The following ANKS1A variants were observed in gnomAD, a reference collection of about 807,000 sequenced individuals.
ANKS1A encodes the protein ankyrin repeat and sterile alpha motif domain containing 1A.
ANKS1A carries 55 observed loss-of-function variants against 120.3 expected under a neutral mutation model. The ratio of observed to expected loss-of-function variants is 0.46; its 90% confidence interval spans 0.37 to 0.57. ANKS1A has a LOEUF of 0.57. Ranked by LOEUF, ANKS1A falls within the 20% of genes least tolerant of loss-of-function variation. The pLI is 0.00. For synonymous variants in ANKS1A, 590 were observed against 604.7 expected, an observed-to-expected ratio of 0.98 and a Z score of 0.36; for missense variants, 1,123 against 1,480.3, an observed-to-expected ratio of 0.76 and a Z score of 3.96.
chr6:34,970,372 T>C (rs1339324770), intron 3 of ANKS1A, among the ~76,000 whole-genome samples: 5 of 152,212 alleles, frequency 3.3e-5, no homozygotes, highest in African/African-American at 1.2e-4. Flanking sequence ...TCTTAGTAGA[T>C]CTTATACTAT....
At chr6:34,906,320 A>G (rs16895354) in intron 1 of ANKS1A, among the ~76,000 whole-genome samples, 11,094 of 152,236 alleles carry the variant, frequency 0.073, 613 homozygotes, top group East Asian at 0.23. Flanking sequence ...GCCTGGTGCG[A>G]AAGGTCAAGA....
Position 35,079,634 on chromosome 6 carries a change from C to T in ANKS1A, c.2402C>T (p.Thr801Ile), listed in dbSNP as rs1451384068. Reference sequence around the variant, plus strand: ...TCAAGTGGTTACAGCTCCATTGACACCGTGAAGAACCTCTGGGAGCTAGAG... The same window carrying T: ...TCAAGTGGTTACAGCTCCATTGACATCGTGAAGAACCTCTGGGAGCTAGAG... Reference protein sequence around the residue: ...FLSSGYSSIDTVKNLWELELV... With the variant: ...FLSSGYSSIDIVKNLWELELV... The change falls in exon 15 of 24, where the codon ACC (threonine) becomes ATC (isoleucine). Residue 801 changes from threonine to isoleucine, a missense_variant. Physicochemically the swap from Thr to Ile is moderately conservative, Grantham distance 89. Around this residue, in one of 3 missense-constraint regions of ANKS1A, gnomAD observed 904 missense variants for 1,130.4 expected, o/e 0.80. Transcript: ENST00000360359. 19 of 1,614,202 alleles carry T rather than the reference C, an allele frequency of 1.2e-5. No homozygotes were observed. The highest frequency in any genetic ancestry group is 1.4e-5 in the Non-Finnish European group (17 of 1,180,038).
At chr6:35,014,087 A>G (rs951915623) in intron 10 of ANKS1A, among the ~76,000 whole-genome samples, 1 of 152,222 alleles carries the variant, frequency 6.6e-6, no homozygotes, top group East Asian at 1.9e-4. Flanking sequence ...AGTATATTCT[A>G]TTGTTAGCAC....
At chr6:34,970,895 G>C (rs1198540600) in intron 3 of ANKS1A, among the ~76,000 whole-genome samples, 3 of 152,094 alleles carry the variant, frequency 2.0e-5, no homozygotes, top group Non-Finnish European at 4.4e-5. Flanking sequence ...TGTAGTCCCA[G>C]CTACTCAGGA....
chr6:34,983,613 T>C (rs1218497256), intron 7 of ANKS1A, among the ~76,000 whole-genome samples, 188 bp downstream of exon 7: 1 of 152,200 alleles, frequency 6.6e-6, no homozygotes, highest in African/African-American at 2.4e-5. Context: ...TGCTTTTGAC[T>C]GTGGGCCTCT....
intron 1 of ANKS1A, among the ~76,000 whole-genome samples, chr6:34,898,304 T>G (rs1767192621): frequency 6.6e-6 from 1 of 152,178 alleles, no homozygotes. Context: ...GTGGCAAAGT[T>G]ACAAAGCAAT....
intron 11 of ANKS1A, among the ~76,000 whole-genome samples, chr6:35,022,632 A>T (rs1039438999): frequency 7.2e-5 from 11 of 152,242 alleles, no homozygotes; most frequent in Non-Finnish European, 1.3e-4. Flanking sequence ...AAGTCAAAGC[A>T]CTCTTTGTTG....
chr6:34,969,055 T>C (rs1448278655), intron 2 of ANKS1A, among the ~76,000 whole-genome samples: 1 of 152,218 alleles, frequency 6.6e-6, no homozygotes, highest in East Asian at 1.9e-4. Context: ...TAAATGACTA[T>C]AGTTTGTTAG....
rs1033662561 is a variant in ANKS1A, at chr6:35,082,070, G to A, written c.2710-621G>A. On this transcript the variant is annotated intron_variant, in intron 17 of 23. Transcript: ENST00000360359. The surrounding 1 kb of genome is among the most constrained non-coding windows in gnomAD (Gnocchi z 4.1). ...TCCGGTTGCTGTTGAGAGGCTCTGCGCACTGCTGGGAAGGGAGGGCCTCCG... is the reference window on the plus strand; with the variant it reads ...TCCGGTTGCTGTTGAGAGGCTCTGCACACTGCTGGGAAGGGAGGGCCTCCG... Among the ~76,000 whole-genome samples, 8 of 152,112 alleles carry A rather than the reference G, an allele frequency of 5.3e-5. No individual in the cohort carries two copies. The highest frequency in any genetic ancestry group is 2.1e-4 in the South Asian group (1 of 4,814).
Position 35,086,431 on chromosome 6 carries a change from C to G in ANKS1A, c.3303+495C>G. 4.1e-5 allele frequency: 46 copies of G among 1,118,226 alleles called. No individual in the cohort carries two copies. The highest frequency in any genetic ancestry group is 5.5e-5 in the Non-Finnish European group (46 of 832,068). 69.3% of individuals were successfully genotyped at this position (1,118,226 alleles called of 1,614,324 possible). Reference sequence around the variant, plus strand: ...CCGAAGTGACCGTGAGCGCTCTTAGCCTCTGGCGGCCTCTCCCTCTGCCTG... The same window carrying G: ...CCGAAGTGACCGTGAGCGCTCTTAGGCTCTGGCGGCCTCTCCCTCTGCCTG... On this transcript the variant is annotated intron_variant, in intron 22 of 23. Transcript: ENST00000360359. The surrounding 1 kb of genome is among the most constrained non-coding windows in gnomAD (Gnocchi z 5.1).
chr6:34,972,276 G>T (rs928503670), intron 3 of ANKS1A, among the ~76,000 whole-genome samples: 1 of 152,146 alleles, frequency 6.6e-6, no homozygotes, highest in Non-Finnish European at 1.5e-5. Flanking sequence ...CTGGTAGGCA[G>T]GTGGTGGGCA....
At position 35,084,905 on chromosome 6, in the gene ANKS1A, C is replaced by T. The variant is rs548562896; in HGVS notation, c.3132+647C>T. On this transcript the variant is annotated intron_variant, in intron 21 of 23. Transcript: ENST00000360359. The surrounding 1 kb of genome is among the most constrained non-coding windows in gnomAD (Gnocchi z 4.8). ...GCCCACAGGCGGGGGTTCCCTCTAA[C>T]CTGCAACAAAGCATGAGAGTGGCCC... 5.3e-5 allele frequency among the ~76,000 whole-genome samples: 8 copies of T among 152,314 alleles called. No homozygotes were observed. The highest frequency in any genetic ancestry group is 1.9e-4 in the African/African-American group (8 of 41,582).
intron 11 of ANKS1A, among the ~76,000 whole-genome samples, chr6:35,049,432 T>C (rs926832600): frequency 6.6e-6 from 1 of 152,206 alleles, no homozygotes; most frequent in Non-Finnish European, 1.5e-5. Flanking sequence ...CTTTAGTGTC[T>C]CTGGGACACA....
intron 3 of ANKS1A, among the ~76,000 whole-genome samples, chr6:34,977,728 C>T (rs1220489262): frequency 6.6e-6 from 1 of 152,110 alleles, no homozygotes; most frequent in Non-Finnish European, 1.5e-5. Flanking sequence ...GACTTGCTTT[C>T]ATGCTTCTCC....
chr6:34,904,265 C>T (rs190885309), intron 1 of ANKS1A, among the ~76,000 whole-genome samples: 21 of 152,178 alleles, frequency 1.4e-4, no homozygotes, highest in Admixed American at 1.3e-3. Flanking sequence ...TTTTAGGGAA[C>T]AATGAGACAA....
chr6:35,063,413 T>G (rs1438033677), intron 13 of ANKS1A, among the ~76,000 whole-genome samples: 1 of 152,270 alleles, frequency 6.6e-6, no homozygotes, highest in African/African-American at 2.4e-5. Context: ...TCACTCAGCC[T>G]GACGCCCTTC....
chr6:34,939,706 C>T (rs1038289461), intron 1 of ANKS1A, among the ~76,000 whole-genome samples: 6 of 151,730 alleles, frequency 4.0e-5, no homozygotes, highest in Non-Finnish European at 7.4e-5. Context: ...GAGTGAGATC[C>T]TGTCTCTTTC....
At position 35,084,078 on chromosome 6, in the gene ANKS1A, A is replaced by G. The variant is rs1215827078; in HGVS notation, c.2995-43A>G. ...GGCTGGGGCAGGGGGTGCCAGAGGC[A>G]TGCCTGAGCCTGAGAATTCCAGAAC... On this transcript the variant is annotated intron_variant, in intron 20 of 23. Coordinates refer to ENST00000360359, the MANE Select transcript of ANKS1A (RefSeq NM_015245.3). This position sits in a 1 kb window ranked among gnomAD's most constrained non-coding sequence, Gnocchi z 4.8. 1 of 1,610,446 alleles carries G rather than the reference A, an allele frequency of 6.2e-7. No individual in the cohort carries two copies. Among genetic ancestry groups the G allele is most frequent in the South Asian group, 1.1e-5 (1 of 90,550 alleles).
chr6:34,995,991 T>C (rs187026902), intron 10 of ANKS1A, among the ~76,000 whole-genome samples: 1 of 152,350 alleles, frequency 6.6e-6, no homozygotes, highest in East Asian at 1.9e-4. Context: ...TGTTTAACTT[T>C]ATAGGAAACT....
Sources: gnomAD v4.1 joint callset for allele counts (sites outside exome capture counted in the v4.1 genomes callset) on GRCh38, gnomAD v4.1.1 for gene constraint, gnomAD v4.1.1 regional missense constraint, Gnocchi (gnomAD v3.1) non-coding constraint, MANE v1.5 for transcripts, NCBI Gene and HGNC (gene_info 2026-07-23, HGNC 2026-07-21) for gene names.